Variants in CWF19L1 observed in about 807,000 individuals in gnomAD.
CWF19L1 encodes CWF19-like protein 1.
In CWF19L1, 60 loss-of-function variants were observed where a neutral mutation model predicts 69.7. The observed-to-expected ratio is 0.86, with a 90% CI of 0.70 to 1.07. The LOEUF is 1.07. Among genes scored for constraint, CWF19L1 ranks in the 50% least tolerant of loss-of-function variants. The pLI is 0.00. For missense variants in CWF19L1, 591 were observed against 638.9 expected (o/e 0.92, Z 0.81); for synonymous variants, 209 against 222.2 (o/e 0.94, Z 0.53).
chr10:100,236,854 T>C lies in CWF19L1; in HGVS notation c.1370A>G (p.Lys457Arg). The C allele has an allele frequency of 1.3e-6, 2 of 1,590,978 alleles. No individual in the cohort carries two copies. Among genetic ancestry groups the C allele is most frequent in the South Asian group, 1.1e-5 (1 of 87,148 alleles). The change falls in exon 12 of 14, where the codon AAG (lysine) becomes AGG (arginine). Residue 457 changes from lysine (K) to arginine (R), a missense_variant. Physicochemically the swap from Lys to Arg is conservative, Grantham distance 26 (BLOSUM62 2). Transcript: ENST00000354105. ...LLEIPEHSDI[K>R]QIAQPGAAYF... ...TATCACCATCCCCTGTTTCACCTGCTTGATGTCAGAGTGCTCTGGGATTTC... is the reference window on the plus strand; with the variant it reads ...TATCACCATCCCCTGTTTCACCTGCCTGATGTCAGAGTGCTCTGGGATTTC...
intron 1 of CWF19L1, among the ~76,000 whole-genome samples, chr10:100,266,197 T>A (rs1847576964): frequency 6.6e-6 from 1 of 151,740 alleles, no homozygotes; most frequent in African/African-American, 2.4e-5. Flanking sequence ...CAATTTTTTT[T>A]TTTTTTTTTT....
chr10:100,249,069 C>T, intron 7 of CWF19L1: 1 of 529,612 alleles, frequency 1.9e-6, no homozygotes. Flanking sequence ...TCCAGCTGCC[C>T]CTGAGGGGCC....
intron 11 of CWF19L1, 169 bp from the exon 12 acceptor site, chr10:100,237,138 C>G (rs749947405): frequency 1.2e-6 from 1 of 828,480 alleles, no homozygotes; most frequent in Non-Finnish European, 2.1e-6. Context: ...AGGACTTAAA[C>G]TTATGAGATA....
chr10:100,259,575 T>C (rs1215282493), intron 4 of CWF19L1, among the ~76,000 whole-genome samples: 2 of 152,182 alleles, frequency 1.3e-5, no homozygotes, highest in African/African-American at 2.4e-5. Context: ...TGTGTGAACA[T>C]AATTTATACC....
intron 5 of CWF19L1, chr10:100,253,758 G>A (rs1847119762): frequency 2.3e-6 from 1 of 428,222 alleles, no homozygotes; most frequent in Non-Finnish European, 4.1e-6. Flanking sequence ...AACAACTGTT[G>A]GAAGCCAGAG....
At chr10:100,241,484 C>T (rs1846638444) in intron 10 of CWF19L1, among the ~76,000 whole-genome samples, 1 of 152,168 alleles carries the variant, frequency 6.6e-6, no homozygotes, top group African/African-American at 2.4e-5. Context: ...GGATCAACCC[C>T]AGAAACCAAA....
At chr10:100,250,730 G>A (rs967440595) in intron 6 of CWF19L1, among the ~76,000 whole-genome samples, 2 of 152,056 alleles carry the variant, frequency 1.3e-5, no homozygotes, top group African/African-American at 4.8e-5. Context: ...AGGACTGCTT[G>A]AGCCCAGGAG....
At chr10:100,267,146 GCA>G (rs1847624008) in intron 1 of CWF19L1, among the ~76,000 whole-genome samples, 3 of 10,584 alleles carry the variant, frequency 2.8e-4, no homozygotes, top group Admixed American at 1.1e-3. Context: ...CCTCCTCCTC[GCA>G]AAAAAAAAAA....
chr10:100,251,784 T>A (rs1589624217), intron 6 of CWF19L1, among the ~76,000 whole-genome samples: 1 of 152,198 alleles, frequency 6.6e-6, no homozygotes, highest in African/African-American at 2.4e-5. Flanking sequence ...GTGCTGGGAT[T>A]ACAGGCGTGA....
Position 100,261,000 on chromosome 10 carries a change from A to G in CWF19L1, c.153T>C (p.Ala51=). 6.2e-7 allele frequency: 1 copy of G among 1,612,708 alleles called. No homozygotes were observed. Among genetic ancestry groups the G allele is most frequent in the Non-Finnish European group, 8.5e-7 (1 of 1,178,988 alleles). The part of the protein sequence containing the change: ...VGNFFGSTQD[A]EWEEYKTGIK... ...TGCCAGTCTTATACTCCTCCCATTC[A>G]GCATCTTGGGTGGAGCCAAAGAAAT... Residue 51 remains alanine (A), a synonymous_variant, in exon 3 of 14, where the codon GCT becomes GCC. Transcript: ENST00000354105.
intron 10 of CWF19L1, 22 bp from the exon 11 acceptor site, chr10:100,238,253 T>G: frequency 6.2e-7 from 1 of 1,609,252 alleles, no homozygotes; most frequent in Non-Finnish European, 8.5e-7. Flanking sequence ...GCACACAGAA[T>G]TGAGACATCA....
intron 13 of CWF19L1, 135 bp from the exon 14 acceptor site, chr10:100,233,506 C>G (rs1014000594): frequency 4.4e-5 from 33 of 746,524 alleles, no homozygotes; most frequent in Middle Eastern, 3.6e-4. Flanking sequence ...TACTATTGAT[C>G]AAAATCATAC....
At chr10:100,263,574 G>T (rs937417013) in intron 1 of CWF19L1, among the ~76,000 whole-genome samples, 3 of 152,184 alleles carry the variant, frequency 2.0e-5, no homozygotes, top group Admixed American at 6.5e-5. Flanking sequence ...ATAGGAGCCT[G>T]CATTTCTTCC....
chr10:100,267,315 A>G (rs1294883704), intron 1 of CWF19L1: 9 of 446,616 alleles, frequency 2.0e-5, no homozygotes, highest in Non-Finnish European at 2.7e-5. Context: ...GCCCCCTAAG[A>G]TGGAGGAGGC....
chr10:100,243,319 T>G (rs566048725), intron 10 of CWF19L1, among the ~76,000 whole-genome samples: 1 of 152,168 alleles, frequency 6.6e-6, no homozygotes, highest in African/African-American at 2.4e-5. Flanking sequence ...TACTGATACA[T>G]GCTGCAACAT....
chr10:100,241,730 G>A (rs1846646615), intron 10 of CWF19L1, among the ~76,000 whole-genome samples: 1 of 152,214 alleles, frequency 6.6e-6, no homozygotes, highest in Non-Finnish European at 1.5e-5. Flanking sequence ...GGGCAAGTGA[G>A]GGTGAGAGTA....
chr10:100,250,395 A>G, intron 6 of CWF19L1, 63 bp from the exon 7 acceptor site: 1 of 985,032 alleles, frequency 1.0e-6, no homozygotes, highest in Non-Finnish European at 1.6e-6. Context: ...CAATGACAAA[A>G]TATGTGGACT....
Position 100,235,674 on chromosome 10 carries a change from A to G in CWF19L1, c.1465T>C (p.Phe489Leu). The G allele has an allele frequency of 6.2e-7, 1 of 1,609,140 alleles. No individual in the cohort carries two copies. Among genetic ancestry groups the G allele is most frequent in the Non-Finnish European group, 8.5e-7 (1 of 1,177,354 alleles). The change falls in exon 13 of 14, where the codon TTT (phenylalanine) becomes CTT (leucine). Residue 489 changes from phenylalanine (F) to leucine (L), a missense_variant. This residue lies in a region of CWF19L1 where 458 missense variants were observed against 489.3 expected (regional missense o/e 0.94). Transcript: ENST00000354105. The part of the protein sequence containing the change: ...HRIKKNFPLQ[F>L]GREVLASEAI... ...AAAAGAAGAAAAACATACCTTCCAA[A>G]CTGCAAAGGAAAATTCTTTTTAATT...
chr10:100,261,175 A>C lies in CWF19L1; in HGVS notation c.109-131T>G, dbSNP rs1847387109. On this transcript the variant is annotated intron_variant, in intron 2 of 13. Coordinates refer to ENST00000354105, the MANE Select transcript of CWF19L1 (RefSeq NM_018294.6). ...AATTCTTAATCAATTTGCAGATTTC[A>C]ATATACAATTCTTTAGCAGCAACTG... 6.4e-6 allele frequency: 4 copies of C among 621,548 alleles called. No individual in the cohort carries two copies. The South Asian group carries it at 9.4e-5, about 15-fold the overall frequency. 38.5% of individuals were successfully genotyped at this position (621,548 alleles called of 1,614,324 possible).
Sources: allele counts gnomAD v4.1 joint callset (sites outside exome capture counted in the v4.1 genomes callset), GRCh38; gene constraint gnomAD v4.1.1; regional missense constraint gnomAD v4.1.1; transcripts MANE v1.5; gene names NCBI Gene and HGNC (gene_info 2026-07-23, HGNC 2026-07-21).